Variants in XKR9 observed in about 807,000 individuals in gnomAD.
The protein encoded by XKR9 is XK related 9.
A neutral mutation model predicts 32.0 loss-of-function variants in XKR9; 32 were observed. The observed-to-expected ratio is 1.00, with a 90% CI of 0.76 to 1.34. The LOEUF is 1.34. XKR9 is among the 40% of genes most tolerant of loss of function. The pLI, the probability that XKR9 is intolerant of heterozygous loss-of-function variation, is 0.00. For synonymous variants in XKR9, 168 were observed against 143.4 expected, an observed-to-expected ratio of 1.17 and a Z score of -1.22; for missense variants, 546 against 429.7, an observed-to-expected ratio of 1.27 and a Z score of -2.39.
the XKR9 span, among the ~76,000 whole-genome samples, chr8:70,908,764 A>T: frequency 6.6e-6 from 1 of 152,150 alleles, no homozygotes; most frequent in Non-Finnish European, 1.5e-5. Context: ...TCTTTTGATT[A>T]TTTTTAACCA....
the XKR9 span, among the ~76,000 whole-genome samples, chr8:70,981,213 G>C: frequency 6.6e-6 from 1 of 152,144 alleles, no homozygotes; most frequent in African/African-American, 2.4e-5. Context: ...AGTTTTCCTT[G>C]ATTATTCCCT....
the XKR9 span, among the ~76,000 whole-genome samples, chr8:70,807,160 C>A: frequency 6.6e-6 from 1 of 152,112 alleles, no homozygotes; most frequent in South Asian, 2.1e-4. Context: ...CATATCCAGC[C>A]AGTAAGCTTC....
intron 2 of XKR9, among the ~76,000 whole-genome samples, chr8:70,778,666 C>G (rs1162214680): frequency 6.6e-6 from 1 of 152,116 alleles, no homozygotes; most frequent in Admixed American, 6.6e-5. Context: ...TCCTTCACAT[C>G]CCTTGTAAGT....
chr8:70,712,977 T>C (rs1221882294), intron 4 of XKR9, among the ~76,000 whole-genome samples: 1 of 152,030 alleles, frequency 6.6e-6, no homozygotes, highest in Non-Finnish European at 1.5e-5. Context: ...GGAAAAAAAA[T>C]CAGTGAGACT....
At chr8:71,018,372 G>T in the XKR9 span, among the ~76,000 whole-genome samples, 1 of 152,156 alleles carries the variant, frequency 6.6e-6, no homozygotes, top group Non-Finnish European at 1.5e-5. Flanking sequence ...GGAAAATGTG[G>T]TATAAGAGAG....
chr8:70,681,313 A>G lies in XKR9; in HGVS notation c.255A>G (p.Gln85=). The G allele has an allele frequency of 6.2e-7, 1 of 1,612,154 alleles. No individual in the cohort carries two copies. Among genetic ancestry groups the G allele is most frequent in the Non-Finnish European group, 8.5e-7 (1 of 1,179,104 alleles). The change falls in exon 3 of 5, where the codon CAA becomes CAG. Residue 85 remains glutamine, a synonymous_variant. Coordinates refer to ENST00000408926, the MANE Select transcript of XKR9 (RefSeq NM_001011720.2). ...QHCFLLLHCL[Q]GGVFTRYWFA... is the part of the protein sequence containing the mutation. ...GTTTTCTTCTACTTCATTGCTTGCA[A>G]GGAGGAGTTTTTACAAGGTGAGCAT...
intron 3 of XKR9, among the ~76,000 whole-genome samples, chr8:70,694,282 CA>C (rs1805181805): frequency 1.3e-5 from 2 of 152,222 alleles, no homozygotes; most frequent in African/African-American, 4.8e-5. Flanking sequence ...TTTAGTAGAG[CA>C]GCTGTGTTGT....
At chr8:70,808,461 G>A in the XKR9 span, among the ~76,000 whole-genome samples, 1 of 152,292 alleles carries the variant, frequency 6.6e-6, no homozygotes, top group Non-Finnish European at 1.5e-5. Flanking sequence ...AGGACAGTGG[G>A]TGCAGTGCAA....
the XKR9 span, among the ~76,000 whole-genome samples, chr8:70,847,247 G>A: frequency 6.6e-6 from 1 of 151,800 alleles, no homozygotes; most frequent in African/African-American, 2.4e-5. Context: ...ATGACCAATG[G>A]GTCAATGAAG....
In XKR9 at chr8:70,734,137, A is replaced by G. The variant is rs1393929769; in HGVS notation, c.835A>G (p.Lys279Glu). Reference protein sequence around the residue: ...FILIFTFFNIKGQNTKCPMSC... With the variant: ...FILIFTFFNIEGQNTKCPMSC... ...TCTTATCTTTACATTTTTTAATATTAAGGGACAGAATACCAAGTGTCCAAT... is the reference window on the plus strand; with the variant it reads ...TCTTATCTTTACATTTTTTAATATTGAGGGACAGAATACCAAGTGTCCAAT... Residue 279 changes from lysine to glutamate, a missense_variant, in exon 5 of 5, where the codon AAG (lysine) becomes GAG (glutamate). By Grantham distance (56) the Lys-to-Glu change is moderately conservative (BLOSUM62 1). Transcript: ENST00000408926. 2 of 1,612,422 alleles carry G rather than the reference A, an allele frequency of 1.2e-6. No individual in the cohort carries two copies. The highest frequency in any genetic ancestry group is 2.7e-5 in the African/African-American group (2 of 75,000).
the XKR9 span, among the ~76,000 whole-genome samples, chr8:70,990,210 T>C: frequency 6.6e-6 from 1 of 152,218 alleles, no homozygotes; most frequent in Admixed American, 6.5e-5. Flanking sequence ...TGAAATATTT[T>C]ATAAACTGTC....
At chr8:70,986,503 A>T in the XKR9 span, among the ~76,000 whole-genome samples, 2 of 152,148 alleles carry the variant, frequency 1.3e-5, no homozygotes, top group African/African-American at 2.4e-5. Flanking sequence ...TACATCTTCT[A>T]TGGCTCTGAT....
At chr8:70,969,354 G>A in the XKR9 span, among the ~76,000 whole-genome samples, 1 of 152,128 alleles carries the variant, frequency 6.6e-6, no homozygotes, top group Non-Finnish European at 1.5e-5. Flanking sequence ...AAAGGGTAAA[G>A]TTTACTAAAC....
At chr8:70,784,568 T>C (rs116439844) in intron 2 of XKR9, among the ~76,000 whole-genome samples, 1,753 of 152,120 alleles carry the variant, frequency 0.012, 31 homozygotes, top group African/African-American at 0.038. Context: ...ACTGTATTTA[T>C]TAGTTCTGGC....
the XKR9 span, among the ~76,000 whole-genome samples, chr8:70,870,755 C>CA: frequency 6.6e-6 from 1 of 152,118 alleles, no homozygotes; most frequent in Non-Finnish European, 1.5e-5. Flanking sequence ...ATGCATATTG[C>CA]AAAATTTCCA....
At chr8:70,699,786 T>G (rs934083308) in intron 3 of XKR9, among the ~76,000 whole-genome samples, 1 of 152,224 alleles carries the variant, frequency 6.6e-6, no homozygotes, top group Non-Finnish European at 1.5e-5. Context: ...GTTTTCCAAC[T>G]TGGTTCCATT....
At chr8:71,061,026 G>A in the XKR9 span, among the ~76,000 whole-genome samples, 1 of 152,166 alleles carries the variant, frequency 6.6e-6, no homozygotes, top group African/African-American at 2.4e-5. Flanking sequence ...GTGTTATCCT[G>A]TTTAATCTTC....
downstream of XKR9, among the ~76,000 whole-genome samples, chr8:70,739,583 C>T (rs1806930122): frequency 6.6e-6 from 1 of 152,096 alleles, no homozygotes; most frequent in African/African-American, 2.4e-5. Context: ...TACAATTTGG[C>T]ATGATTTTGC....
At chr8:70,854,355 C>T in the XKR9 span, among the ~76,000 whole-genome samples, 1 of 152,046 alleles carries the variant, frequency 6.6e-6, no homozygotes, top group Non-Finnish European at 1.5e-5. Context: ...TATCCTTCGC[C>T]CACTTGTTGA....
Sources: allele counts gnomAD v4.1 joint callset (sites outside exome capture counted in the v4.1 genomes callset), GRCh38; gene constraint gnomAD v4.1.1; transcripts MANE v1.5; gene names NCBI Gene and HGNC (gene_info 2026-07-23, HGNC 2026-07-21).